Variants in PEAK1 observed in about 807,000 individuals in gnomAD.
The protein encoded by PEAK1 is inactive tyrosine-protein kinase PEAK1.
PEAK1 carries 54 observed loss-of-function variants against 124.7 expected under a neutral mutation model. The ratio of observed to expected loss-of-function variants is 0.43; its 90% CI spans 0.35 to 0.54. PEAK1 has a LOEUF of 0.54. PEAK1 is among the 20% of genes least tolerant of loss of function. PEAK1 has a pLI of 0.01. For missense variants in PEAK1, 2,046 were observed against 2,134.5 expected (o/e 0.96, Z 0.82); for synonymous variants, 719 against 760.0 (o/e 0.95, Z 0.89).
At chr15:77,383,418 T>G (rs2069651799) in intron 1 of PEAK1, among the ~76,000 whole-genome samples, 1 of 152,198 alleles carries the variant, frequency 6.6e-6, no homozygotes, top group African/African-American at 2.4e-5. Flanking sequence ...ACTTGCAACA[T>G]CTGACTCCAC....
At chr15:77,412,623 T>C (rs1183446192) in intron 1 of PEAK1, among the ~76,000 whole-genome samples, 1 of 152,188 alleles carries the variant, frequency 6.6e-6, no homozygotes, top group Non-Finnish European at 1.5e-5. Context: ...TTAGTATACA[T>C]ACATGCATTT....
intron 5 of PEAK1, chr15:77,278,766 T>G: frequency 2.2e-6 from 1 of 458,616 alleles, no homozygotes; most frequent in Non-Finnish European, 4.2e-6. Flanking sequence ...AACTGTGTAC[T>G]TCTGGTGACT....
intron 8 of PEAK1, among the ~76,000 whole-genome samples, chr15:77,140,178 A>G (rs1184248662): frequency 1.3e-5 from 2 of 152,224 alleles, no homozygotes; most frequent in African/African-American, 4.8e-5. Flanking sequence ...AGAAGTATTA[A>G]TACCAATCCT....
intron 5 of PEAK1, among the ~76,000 whole-genome samples, chr15:77,267,071 G>A (rs768510133): frequency 1.4e-4 from 21 of 152,054 alleles, no homozygotes; most frequent in African/African-American, 3.1e-4. Flanking sequence ...TCTGGCTGCC[G>A]GCATTCTCCA....
intron 2 of PEAK1, chr15:77,337,014 C>A (rs2066245290): frequency 4.9e-6 from 3 of 615,320 alleles, no homozygotes; most frequent in Non-Finnish European, 6.1e-6. Context: ...TATCCAAAGA[C>A]ATAAATTAAC....
Position 77,406,115 on chromosome 15 carries a change from C to A in PEAK1, c.-666+13891G>T, listed in dbSNP as rs182453486. On this transcript the variant is annotated intron_variant, in intron 1 of 9. Coordinates refer to ENST00000682557, the MANE Select transcript of PEAK1 (RefSeq NM_001385026.1). ...TTCTCATCACTCTTAGATTATAATACATTCCTCACTGAATCTGGAAACGAA... is the reference window on the plus strand; with the variant it reads ...TTCTCATCACTCTTAGATTATAATAAATTCCTCACTGAATCTGGAAACGAA... Among the ~76,000 whole-genome samples the A allele has an allele frequency of 2.0e-5, 3 of 152,262 alleles. No individual in the cohort carries two copies. The East Asian group carries it at 5.8e-4, about 29-fold the overall frequency.
chr15:77,398,428 GA>G (rs2071081932), intron 1 of PEAK1, among the ~76,000 whole-genome samples: 1 of 152,190 alleles, frequency 6.6e-6, no homozygotes, highest in African/African-American at 2.4e-5. Flanking sequence ...GATCAAGTGG[GA>G]TTTAACCTGA....
intron 6 of PEAK1, among the ~76,000 whole-genome samples, chr15:77,208,362 A>C (rs1207594603): frequency 6.6e-6 from 1 of 152,096 alleles, no homozygotes; most frequent in African/African-American, 2.4e-5. Context: ...CTGTTTCTAT[A>C]ATCTTTGGTA....
intron 2 of PEAK1, chr15:77,345,983 C>A (rs938908156): frequency 1.0e-6 from 1 of 985,342 alleles, no homozygotes; most frequent in African/African-American, 1.7e-5. Context: ...AAGAATACAA[C>A]TGAATAAATT....
At chr15:77,153,433 C>A (rs1235555326) in intron 8 of PEAK1, among the ~76,000 whole-genome samples, 1 of 152,104 alleles carries the variant, frequency 6.6e-6, no homozygotes, top group African/African-American at 2.4e-5. Context: ...TTCAAAAAAA[C>A]AGTTCCTGGA....
Position 77,189,073 on chromosome 15 carries a change from C to T in PEAK1, c.-114-7033G>A, listed in dbSNP as rs141259006. On this transcript the variant is annotated intron_variant, in intron 6 of 9. Transcript: ENST00000682557. ...AAAATTAGCCAGGCGTGGTGGTGCG[C>T]GCCTGTAGTCCCAGCTACTCAGAAA... Among the ~76,000 whole-genome samples, 631 of 152,082 alleles carry T rather than the reference C, an allele frequency of 4.1e-3. 2 individuals are homozygous for T. Among genetic ancestry groups the T allele is most frequent in the African/African-American group, 0.012 (487 of 41,490 alleles).
intron 8 of PEAK1, among the ~76,000 whole-genome samples, chr15:77,138,602 G>A (rs1274568836): frequency 6.6e-6 from 1 of 152,050 alleles, no homozygotes; most frequent in Non-Finnish European, 1.5e-5. Flanking sequence ...GGTGGCTTAT[G>A]CCTATAATCC....
chr15:77,335,338 A>T, intron 2 of PEAK1: 1 of 985,358 alleles, frequency 1.0e-6, no homozygotes, highest in Non-Finnish European at 1.2e-6. Flanking sequence ...CTTCTAATAC[A>T]CATGCAGTGT....
intron 8 of PEAK1, among the ~76,000 whole-genome samples, chr15:77,153,833 C>T (rs1006435693): frequency 2.5e-4 from 38 of 152,314 alleles, no homozygotes; most frequent in African/African-American, 8.7e-4. Context: ...AGTTTGATTG[C>T]ACCGTGGCCT....
intron 1 of PEAK1, chr15:77,419,199 C>T (rs1327145019): frequency 2.0e-5 from 20 of 985,212 alleles, no homozygotes; most frequent in Admixed American, 1.2e-4. Context: ...AGGCCAGAGG[C>T]AGGCGGGGGA....
rs561854708 is a variant in PEAK1 at position 77,150,202 on chromosome 15, T to A, written c.3331+8301A>T. ...TCTGAAAGTACATGACTTCTTTTTT[T>A]AAAAAAAGGAAAACAGTAGGAGCCC... On this transcript the variant is annotated intron_variant, in intron 8 of 9. Transcript: ENST00000682557. 1.7e-3 allele frequency among the ~76,000 whole-genome samples: 255 copies of A among 152,206 alleles called. 1 individual carries two copies. The highest frequency in any genetic ancestry group is 2.8e-3 in the Non-Finnish European group (191 of 68,006).
chr15:77,373,942 G>A (rs1227184324), intron 1 of PEAK1, among the ~76,000 whole-genome samples: 2 of 152,058 alleles, frequency 1.3e-5, no homozygotes, highest in African/African-American at 4.8e-5. Context: ...AAAGAAAATG[G>A]TCAAGTCTGT....
At chr15:77,140,336 C>A (rs570075223) in intron 8 of PEAK1, among the ~76,000 whole-genome samples, 9 of 152,030 alleles carry the variant, frequency 5.9e-5, no homozygotes, top group African/African-American at 1.9e-4. Flanking sequence ...ATGTGAAAAT[C>A]TACACAATAT....
intron 2 of PEAK1, among the ~76,000 whole-genome samples, chr15:77,338,352 T>C: frequency 6.6e-6 from 1 of 152,178 alleles, no homozygotes; most frequent in East Asian, 1.9e-4. Context: ...GAGGAAGCTA[T>C]GCCTTTACCT....
Sources: allele counts gnomAD v4.1 joint callset (sites outside exome capture counted in the v4.1 genomes callset), GRCh38; gene constraint gnomAD v4.1.1; transcripts MANE v1.5; gene names NCBI Gene and HGNC (gene_info 2026-07-23, HGNC 2026-07-21).